EWSR1: variants seen among roughly 807,000 people sequenced by gnomAD.
The protein encoded by EWSR1 is EWS RNA binding protein 1.
EWSR1 carries 14 observed loss-of-function variants against 92.1 expected under a neutral mutation model. The ratio of observed to expected loss-of-function variants is 0.15; its 90% confidence interval spans 0.10 to 0.24. The LOEUF (loss-of-function observed/expected upper bound fraction) is 0.24. Ranked by LOEUF, EWSR1 falls within the 10% of genes least tolerant of loss-of-function variation. EWSR1 has a pLI of 1.00. For missense variants in EWSR1, 637 were observed against 870.9 expected (o/e 0.73, Z 3.38); for synonymous variants, 303 against 292.9 (o/e 1.03, Z -0.35).
intron 11 of EWSR1, among the ~76,000 whole-genome samples, chr22:29,294,212 A>G (rs1015073345): frequency 6.6e-6 from 1 of 152,036 alleles, no homozygotes; most frequent in Admixed American, 6.5e-5. Context: ...GGTCTTGCAA[A>G]TTTTACTAGT....
chr22:29,277,986 C>A (rs1366662061), intron 4 of EWSR1, 44 bp from the exon 5 acceptor site: 31 of 1,571,254 alleles, frequency 2.0e-5, no homozygotes, highest in Non-Finnish European at 2.5e-5. Context: ...CTAGGCAGAT[C>A]TCTGAGGGGA....
chr22:29,298,523 A>AG, intron 13 of EWSR1, among the ~76,000 whole-genome samples: 1 of 152,058 alleles, frequency 6.6e-6, no homozygotes, highest in East Asian at 1.9e-4. Context: ...AAAAAAAAAA[A>AG]AATTGTGGGA....
At chr22:29,274,180 G>T in intron 4 of EWSR1, 2 of 1,405,530 alleles carry the variant, frequency 1.4e-6, no homozygotes, top group South Asian at 2.3e-5. Flanking sequence ...TTCTTAAATT[G>T]AGCTGCTTAA....
At chr22:29,278,946 G>T (rs1251809523) in intron 5 of EWSR1, among the ~76,000 whole-genome samples, 1 of 151,632 alleles carries the variant, frequency 6.6e-6, no homozygotes. Context: ...AGTGAGCTAA[G>T]ATGGCACCAT....
chr22:29,285,712 A>G (rs954955782), intron 6 of EWSR1, among the ~76,000 whole-genome samples: 2 of 150,702 alleles, frequency 1.3e-5, no homozygotes, highest in Non-Finnish European at 2.9e-5. Context: ...GCCTCACTTC[A>G]CTCTCTCTAT....
At position 29,300,287 on chromosome 22, in the gene EWSR1, T is replaced by C. The variant is rs1308693469; in HGVS notation, c.*126T>C. 1 of 929,430 alleles carries C rather than the reference T, an allele frequency of 1.1e-6. No individual in the cohort carries two copies. The highest frequency in any genetic ancestry group is 2.8e-5 in the East Asian group (1 of 35,846). 57.6% of individuals were successfully genotyped at this position (929,430 alleles called of 1,614,324 possible). A position where few individuals can be genotyped will look rare whatever the true frequency, so the allele number is the denominator to read the frequency against. ...ATTATGATTATTCCTTGTCTGTACT[T>C]TAGTATTTTTCACCATTTGTGAAGA... On this transcript the variant is annotated 3_prime_UTR_variant, in exon 17 of 17. Coordinates refer to ENST00000397938, the MANE Select transcript of EWSR1 (RefSeq NM_005243.4).
intron 1 of EWSR1, among the ~76,000 whole-genome samples, chr22:29,271,002 G>A (rs1275245255): frequency 6.6e-6 from 1 of 152,170 alleles, no homozygotes. Context: ...GTACAGAGAG[G>A]TAGGCAGATA....
chr22:29,268,454 A>AG (rs2058310428), intron 1 of EWSR1, 105 bp downstream of exon 1: 4 of 1,591,982 alleles, frequency 2.5e-6, no homozygotes, highest in Non-Finnish European at 3.4e-6. Flanking sequence ...AGTTGCCGAG[A>AG]GGGGGTTGAG....
intron 1 of EWSR1, among the ~76,000 whole-genome samples, chr22:29,271,828 C>G (rs371319379): frequency 9.2e-5 from 14 of 152,168 alleles, no homozygotes; most frequent in Non-Finnish European, 2.1e-4. Context: ...ATTATTGTTG[C>G]ATGCCTCCGT....
Position 29,298,830 on chromosome 22 carries a change from C to G in EWSR1, c.1515C>G (p.Ser505=). 1.9e-6 allele frequency: 3 copies of G among 1,596,062 alleles called. No individual in the cohort carries two copies. The highest frequency in any genetic ancestry group is 2.6e-6 in the Non-Finnish European group (3 of 1,174,844). ...TCCCTCCAAGAGGACCCCGGGGTTC[C>G]CGAGGGAACCCCTCTGGAGGAGGAA... ...GGFPPRGPRG[S]RGNPSGGGNV... is the part of the protein sequence containing the mutation. Residue 505 remains serine (S), a synonymous_variant, in exon 14 of 17, where the codon TCC becomes TCG. Coordinates refer to ENST00000397938, the MANE Select transcript of EWSR1 (RefSeq NM_005243.4).
At chr22:29,286,031 G>C (rs2059999112) in intron 6 of EWSR1, among the ~76,000 whole-genome samples, 1 of 151,970 alleles carries the variant, frequency 6.6e-6, no homozygotes, top group Admixed American at 6.6e-5. Flanking sequence ...GTAGAGATGG[G>C]GGTTTCACCA....
intron 13 of EWSR1, among the ~76,000 whole-genome samples, chr22:29,298,433 G>C (rs556992297): frequency 2.0e-5 from 3 of 152,190 alleles, no homozygotes; most frequent in East Asian, 1.9e-4. Context: ...TTGAATCTGG[G>C]GGGGTGGAGG....
At chr22:29,271,050 A>T (rs1211154650) in intron 1 of EWSR1, among the ~76,000 whole-genome samples, 1 of 152,212 alleles carries the variant, frequency 6.6e-6, no homozygotes, top group Non-Finnish European at 1.5e-5. Flanking sequence ...AAGCTCTCTC[A>T]GGCCGCCGAG....
rs562561851 is a variant in EWSR1 at position 29,293,252 on chromosome 22, C to G, written c.1164+646C>G. 5.7e-4 allele frequency among the ~76,000 whole-genome samples: 87 copies of G among 152,260 alleles called. 1 individual carries two copies. The highest frequency in any genetic ancestry group is 1.8e-3 in the African/African-American group (76 of 41,546). On this transcript the variant is annotated intron_variant, in intron 11 of 16. Coordinates refer to ENST00000397938, the MANE Select transcript of EWSR1 (RefSeq NM_005243.4). Reference sequence around the variant, plus strand: ...CTAACTCCTGGCCACCTCAAGTGGCCACCTACCTCAGCCTCCCAAATTGCT... The same window carrying G: ...CTAACTCCTGGCCACCTCAAGTGGCGACCTACCTCAGCCTCCCAAATTGCT...
chr22:29,272,721 T>G (rs75775508), intron 3 of EWSR1, among the ~76,000 whole-genome samples: 1,564 of 152,324 alleles, frequency 0.01, 40 homozygotes, highest in African/African-American at 0.036. Context: ...TTTAGTGAAT[T>G]TATTCATCAT....
chr22:29,292,366 C>G, intron 10 of EWSR1, 122 bp from the exon 11 acceptor site: 1 of 913,310 alleles, frequency 1.1e-6, no homozygotes, highest in Admixed American at 2.0e-5. Flanking sequence ...TAGCATTCTT[C>G]TTAGTATGCT....
intron 1 of EWSR1, 31 bp downstream of exon 1, chr22:29,268,380 C>T (rs533107413): frequency 2.5e-6 from 4 of 1,613,884 alleles, no homozygotes; most frequent in South Asian, 2.2e-5. Context: ...GTCGCGCCGG[C>T]GGTAGCCGGA....
rs2060797635 is a variant in EWSR1, at chr22:29,295,617, CTT to C, written c.1165-621_1165-620del. The C allele has an allele frequency of 1.3e-5, 3 of 224,778 alleles. No individual in the cohort carries two copies. In the Admixed American group the frequency reaches 1.7e-4, roughly 13 times the overall value. 13.9% of individuals were successfully genotyped at this position (224,778 alleles called of 1,614,324 possible). On this transcript the variant is annotated intron_variant, in intron 11 of 16. Transcript: ENST00000397938. ...TTTTAAGTCCTATAAATAGATTGCTCTTGTGTTACTGGATATATGTAAACAAT... is the reference window on the plus strand; with the variant it reads ...TTTTAAGTCCTATAAATAGATTGCTCGTGTTACTGGATATATGTAAACAAT...
At chr22:29,299,511 A>G in intron 15 of EWSR1, 88 bp from the exon 16 acceptor site, 2 of 1,503,138 alleles carry the variant, frequency 1.3e-6, no homozygotes, top group Non-Finnish European at 1.8e-6. Flanking sequence ...TTCTGCTGTG[A>G]GAGAAGGAAG....
Sources: allele counts gnomAD v4.1 joint callset (sites outside exome capture counted in the v4.1 genomes callset), GRCh38; gene constraint gnomAD v4.1.1; transcripts MANE v1.5; gene names NCBI Gene and HGNC (gene_info 2026-07-23, HGNC 2026-07-21).